Variants in DPYD observed in about 807,000 individuals in gnomAD.
DPYD encodes the protein dihydropyrimidine dehydrogenase [NADP(+)].
A neutral mutation model predicts 116.2 loss-of-function variants in DPYD; 109 were observed. That is an observed-to-expected ratio of 0.94 (90% CI 0.80 to 1.10). The LOEUF (loss-of-function observed/expected upper bound fraction) is 1.10. Ranked by LOEUF, DPYD falls within the 50% of genes least tolerant of loss-of-function variation. DPYD has a pLI of 0.00. For synonymous variants in DPYD, 440 were observed against 432.0 expected, an observed-to-expected ratio of 1.02 and a Z score of -0.23; for missense variants, 1,302 against 1,254.5, an observed-to-expected ratio of 1.04 and a Z score of -0.57.
chr1:97,822,106 C>T (rs978882655), intron 3 of DPYD, among the ~76,000 whole-genome samples: 2 of 151,072 alleles, frequency 1.3e-5, no homozygotes, highest in South Asian at 2.1e-4. Flanking sequence ...GAAAAGCATA[C>T]GCCTCAAAAA....
At chr1:97,687,829 C>T (rs999091677) in intron 7 of DPYD, among the ~76,000 whole-genome samples, 1 of 152,148 alleles carries the variant, frequency 6.6e-6, no homozygotes, top group Non-Finnish European at 1.5e-5. Flanking sequence ...TTTGCAGGGA[C>T]ATGGACAGAG....
intron 1 of DPYD, among the ~76,000 whole-genome samples, chr1:97,900,212 G>C (rs1001918096): frequency 6.6e-6 from 1 of 151,906 alleles, no homozygotes; most frequent in East Asian, 1.9e-4. Context: ...GAGGATATCA[G>C]AATGGAAAGA....
intron 1 of DPYD, among the ~76,000 whole-genome samples, chr1:97,918,104 T>G (rs1374244786): frequency 6.6e-6 from 1 of 152,174 alleles, no homozygotes; most frequent in Non-Finnish European, 1.5e-5. Flanking sequence ...GCAAAATAAC[T>G]TCTAAAAGCA....
chr1:97,624,273 C>G (rs922474845), intron 8 of DPYD, among the ~76,000 whole-genome samples: 11 of 151,924 alleles, frequency 7.2e-5, no homozygotes, highest in Non-Finnish European at 1.3e-4. Context: ...CTAAACTCAA[C>G]AGCAGTAAAA....
chr1:97,918,182 A>G (rs1373360771), intron 1 of DPYD, among the ~76,000 whole-genome samples: 2 of 152,136 alleles, frequency 1.3e-5, no homozygotes, highest in Non-Finnish European at 2.9e-5. Context: ...TGAGAATAAG[A>G]TATATTTTTC....
chr1:97,078,884 T>C lies in DPYD; in HGVS notation c.*92A>G. 3 of 1,421,016 alleles carry C rather than the reference T, an allele frequency of 2.1e-6. No homozygotes were observed. The highest frequency in any genetic ancestry group is 2.3e-5 in the East Asian group (1 of 43,838). 88.0% of individuals were successfully genotyped at this position (1,421,016 alleles called of 1,614,324 possible). A position where few individuals can be genotyped will look rare whatever the true frequency, so the allele number is the denominator to read the frequency against. On this transcript the variant is annotated 3_prime_UTR_variant, in exon 23 of 23. Coordinates refer to ENST00000370192, the MANE Select transcript of DPYD (RefSeq NM_000110.4). ...TTTAGAAAATGTATATTTGTTTTAA[T>C]TTGGAAAGAGCTGAACACAAGGATC...
chr1:97,350,899 TGA>T (rs1670105217), intron 16 of DPYD, among the ~76,000 whole-genome samples: 2 of 152,184 alleles, frequency 1.3e-5, no homozygotes, highest in South Asian at 2.1e-4. Flanking sequence ...TTACCAAGGC[TGA>T]GTCTTTTAGT....
In DPYD at chr1:97,269,278, C is replaced by T. The variant is rs564089309; in HGVS notation, c.2300-34284G>A. On this transcript the variant is annotated intron_variant, in intron 18 of 22. Coordinates refer to ENST00000370192, the MANE Select transcript of DPYD (RefSeq NM_000110.4). ...TTCTACAACATTCTGATTATGACCA[C>T]CTAAGTAATCCCTAAGAAGATTTAG... Among the ~76,000 whole-genome samples, 8 of 152,276 alleles carry T rather than the reference C, an allele frequency of 5.3e-5. No homozygotes were observed. The South Asian group carries it at 1.7e-3, about 32-fold the overall frequency.
Position 97,128,673 on chromosome 1 carries a change from G to A in DPYD, c.2623-30041C>T, listed in dbSNP as rs191867203. On this transcript the variant is annotated intron_variant, in intron 20 of 22. Transcript: ENST00000370192. ...GGGATTGCTGCCTGCCTGTGTAGCA[G>A]GAACACTGCAGTATATCAAGACTCT... Among the ~76,000 whole-genome samples the A allele has an allele frequency of 1.7e-3, 264 of 152,224 alleles. 1 individual carries two copies. Among genetic ancestry groups the A allele is most frequent in the Middle Eastern group, 3.4e-3 (1 of 294 alleles).
intron 2 of DPYD, among the ~76,000 whole-genome samples, chr1:97,831,120 C>T (rs1669520177): frequency 6.6e-6 from 1 of 152,172 alleles, no homozygotes; most frequent in Non-Finnish European, 1.5e-5. Flanking sequence ...CTTCTGTATA[C>T]AGAAATTGAA....
intron 16 of DPYD, among the ~76,000 whole-genome samples, chr1:97,344,009 T>C (rs1243584273): frequency 6.6e-6 from 1 of 151,904 alleles, no homozygotes; most frequent in African/African-American, 2.4e-5. Context: ...TTTTAAAAAA[T>C]TACACTAATA....
At chr1:97,454,762 A>T (rs1366134307) in intron 13 of DPYD, among the ~76,000 whole-genome samples, 1 of 151,918 alleles carries the variant, frequency 6.6e-6, no homozygotes, top group Non-Finnish European at 1.5e-5. Flanking sequence ...TATTATAAAA[A>T]CTTATGATGT....
At chr1:97,820,174 A>T (rs1668848467) in intron 3 of DPYD, among the ~76,000 whole-genome samples, 1 of 152,152 alleles carries the variant, frequency 6.6e-6, no homozygotes, top group Non-Finnish European at 1.5e-5. Flanking sequence ...AATCATAAAC[A>T]GCTAAAATAA....
intron 6 of DPYD, among the ~76,000 whole-genome samples, chr1:97,697,788 A>C (rs1263262243): frequency 2.0e-5 from 3 of 152,070 alleles, no homozygotes; most frequent in Admixed American, 2.0e-4. Context: ...ATAGGCTAAC[A>C]ACAGTAATCT....
In DPYD at chr1:97,218,918, G is replaced by C. The variant is rs144920825; in HGVS notation, c.2442+15934C>G. On this transcript the variant is annotated intron_variant, in intron 19 of 22. Coordinates refer to ENST00000370192, the MANE Select transcript of DPYD (RefSeq NM_000110.4). ...AGAGATTTTAAAGTTTGGTTTGTTA[G>C]TACTGCAAAGAGAAATTGCCTTTTG... is the stretch of plus-strand genomic sequence containing the variant. 3.3e-3 allele frequency among the ~76,000 whole-genome samples: 497 copies of C among 152,162 alleles called. 4 individuals are homozygous for C. Among genetic ancestry groups the C allele is most frequent in the African/African-American group, 0.012 (480 of 41,518 alleles).
chr1:97,618,241 T>C (rs1277376957), intron 8 of DPYD, among the ~76,000 whole-genome samples: 4 of 152,060 alleles, frequency 2.6e-5, no homozygotes, highest in African/African-American at 7.2e-5. Flanking sequence ...TCCAATCCTT[T>C]TCAATTATTT....
intron 16 of DPYD, among the ~76,000 whole-genome samples, chr1:97,325,496 C>G (rs752788724): frequency 1.1e-3 from 168 of 152,156 alleles, no homozygotes; most frequent in Admixed American, 5.6e-3. Flanking sequence ...TGAGCACTTG[C>G]AACTATCCTG....
At chr1:97,540,349 G>A (rs1327025543) in intron 12 of DPYD, among the ~76,000 whole-genome samples, 1 of 139,498 alleles carries the variant, frequency 7.2e-6, no homozygotes, top group Non-Finnish European at 1.5e-5. Context: ...GGGGGTGGCG[G>A]CGGGGCAGGG....
intron 18 of DPYD, among the ~76,000 whole-genome samples, chr1:97,240,095 T>C (rs1662227501): frequency 6.6e-6 from 1 of 152,014 alleles, no homozygotes; most frequent in Admixed American, 6.6e-5. Flanking sequence ...AACTTTATCC[T>C]CTGAAACCTT....
Sources: allele counts gnomAD v4.1 joint callset (sites outside exome capture counted in the v4.1 genomes callset), GRCh38; gene constraint gnomAD v4.1.1; transcripts MANE v1.5; gene names NCBI Gene and HGNC (gene_info 2026-07-23, HGNC 2026-07-21).